The following LHFPL6 variants were observed in gnomAD, a reference collection of about 807,000 sequenced individuals.
The protein encoded by LHFPL6 is LHFPL tetraspan subfamily member 6 protein.
In LHFPL6, 9 loss-of-function variants were observed where a neutral mutation model predicts 20.6. The ratio of observed to expected loss-of-function variants is 0.44; its 90% confidence interval spans 0.26 to 0.76. The LOEUF (loss-of-function observed/expected upper bound fraction) is 0.76. Ranked by LOEUF, LHFPL6 falls within the 30% of genes least tolerant of loss-of-function variation. LHFPL6 has a pLI of 0.20. For missense variants in LHFPL6, 218 were observed against 253.5 expected (o/e 0.86, Z 0.95); for synonymous variants, 105 against 98.7 (o/e 1.06, Z -0.38).
At chr13:39,372,918 AG>A (rs1870197630) in intron 3 of LHFPL6, among the ~76,000 whole-genome samples, 1 of 152,172 alleles carries the variant, frequency 6.6e-6, no homozygotes, top group African/African-American at 2.4e-5. Context: ...CAAACAGGGA[AG>A]CAGTACATAA....
At chr13:39,546,158 T>C (rs897097561) in intron 2 of LHFPL6, among the ~76,000 whole-genome samples, 1 of 152,054 alleles carries the variant, frequency 6.6e-6, no homozygotes, top group African/African-American at 2.4e-5. Context: ...TAATAGCTAT[T>C]AGACTATGAA....
In LHFPL6 at chr13:39,343,763, TCTC is replaced by T. The variant is rs1213407949; in HGVS notation, c.*170_*172del. The T allele has an allele frequency of 8.7e-6, 5 of 576,490 alleles. No individual in the cohort carries two copies. The highest frequency in any genetic ancestry group is 2.7e-5 in the South Asian group (1 of 36,708). The allele number at this position is 576,490 out of a possible 1,614,324, so 35.7% of individuals were successfully genotyped here. On this transcript the variant is annotated 3_prime_UTR_variant, in exon 4 of 4. Transcript: ENST00000379589. Reference sequence around the variant, plus strand: ...ACTCTCCTTTTTTTTCCCCCACAAATCTCCTACAATCCTTCCTTCCTATATCAT... The same window carrying T: ...ACTCTCCTTTTTTTTCCCCCACAAATCTACAATCCTTCCTTCCTATATCAT...
chr13:39,355,962 G>A (rs1043649030), intron 3 of LHFPL6, among the ~76,000 whole-genome samples: 2 of 152,172 alleles, frequency 1.3e-5, no homozygotes, highest in East Asian at 3.8e-4. Context: ...CCCACTGACA[G>A]TGTTAGGCAG....
At chr13:39,481,315 C>G (rs905811845) in intron 2 of LHFPL6, among the ~76,000 whole-genome samples, 11 of 152,164 alleles carry the variant, frequency 7.2e-5, no homozygotes, top group Admixed American at 1.3e-4. Context: ...ATACGAAGCA[C>G]CTATATTCCC....
chr13:39,400,964 A>G (rs1870975981), intron 2 of LHFPL6, among the ~76,000 whole-genome samples: 1 of 152,176 alleles, frequency 6.6e-6, no homozygotes, highest in South Asian at 2.1e-4. Flanking sequence ...AGAAATAAAC[A>G]AAGAAGTATT....
intron 2 of LHFPL6, among the ~76,000 whole-genome samples, chr13:39,484,721 T>G (rs1214823128): frequency 6.6e-6 from 1 of 152,218 alleles, no homozygotes; most frequent in African/African-American, 2.4e-5. Context: ...TCATCTACAT[T>G]TGTAATAAAC....
chr13:39,462,894 T>C (rs1872719512), intron 2 of LHFPL6, among the ~76,000 whole-genome samples: 1 of 152,160 alleles, frequency 6.6e-6, no homozygotes, highest in Non-Finnish European at 1.5e-5. Context: ...GGTGCTGGCA[T>C]GGTTAACTTC....
intron 2 of LHFPL6, among the ~76,000 whole-genome samples, chr13:39,457,863 C>T (rs1387141565): frequency 6.6e-6 from 1 of 152,098 alleles, no homozygotes; most frequent in Non-Finnish European, 1.5e-5. Flanking sequence ...TTATCCACTG[C>T]CTGTTCATAT....
intron 2 of LHFPL6, among the ~76,000 whole-genome samples, chr13:39,513,672 A>G (rs1202033745): frequency 1.3e-5 from 2 of 152,230 alleles, no homozygotes; most frequent in East Asian, 1.9e-4. Flanking sequence ...ATTCCTCACA[A>G]TAAGTCTATA....
At chr13:39,436,149 C>A (rs1274727983) in intron 2 of LHFPL6, among the ~76,000 whole-genome samples, 4 of 151,908 alleles carry the variant, frequency 2.6e-5, no homozygotes, top group Non-Finnish European at 1.5e-5. Flanking sequence ...AGAAAGGGGT[C>A]CTGAGGCCAA....
At chr13:39,403,293 AT>A (rs1287765177) in intron 2 of LHFPL6, among the ~76,000 whole-genome samples, 3 of 152,200 alleles carry the variant, frequency 2.0e-5, no homozygotes, top group Non-Finnish European at 2.9e-5. Context: ...CTTGCTCTCT[AT>A]AGGCTCTTGT....
At chr13:39,507,957 CCTTT>C (rs918966997) in intron 2 of LHFPL6, among the ~76,000 whole-genome samples, 1 of 137,868 alleles carries the variant, frequency 7.3e-6, no homozygotes, top group African/African-American at 2.6e-5. Context: ...TCCTTCCTTC[CCTTT>C]TTTTCTCCCC....
intron 2 of LHFPL6, among the ~76,000 whole-genome samples, chr13:39,466,661 T>C (rs1277301202): frequency 6.6e-6 from 1 of 152,236 alleles, no homozygotes; most frequent in Admixed American, 6.5e-5. Context: ...TCTCATTTTA[T>C]AGCATTTACA....
chr13:39,600,194 T>A (rs1872890687), intron 2 of LHFPL6, among the ~76,000 whole-genome samples: 1 of 152,218 alleles, frequency 6.6e-6, no homozygotes, highest in South Asian at 2.1e-4. Flanking sequence ...TTGCTAAATA[T>A]CCCTTTTCTT....
At chr13:39,526,417 A>G (rs1870288999) in intron 2 of LHFPL6, among the ~76,000 whole-genome samples, 1 of 152,246 alleles carries the variant, frequency 6.6e-6, no homozygotes, top group African/African-American at 2.4e-5. Flanking sequence ...ACTAAAAATG[A>G]CACAAATACC....
At chr13:39,553,103 T>C (rs1266346556) in intron 2 of LHFPL6, among the ~76,000 whole-genome samples, 3 of 152,138 alleles carry the variant, frequency 2.0e-5, no homozygotes, top group South Asian at 4.1e-4. Flanking sequence ...TCCCACAAAA[T>C]GAGAAAATTG....
intron 2 of LHFPL6, among the ~76,000 whole-genome samples, chr13:39,572,377 T>TA (rs1871951180): frequency 6.7e-6 from 1 of 150,046 alleles, no homozygotes; most frequent in Non-Finnish European, 1.5e-5. Flanking sequence ...CAGAAACATA[T>TA]ACACGTACAC....
At chr13:39,546,580 C>T (rs889456704) in intron 2 of LHFPL6, among the ~76,000 whole-genome samples, 2 of 152,098 alleles carry the variant, frequency 1.3e-5, no homozygotes, top group Non-Finnish European at 2.9e-5. Context: ...TACAACCCTC[C>T]AGCTGGGTTT....
intron 2 of LHFPL6, among the ~76,000 whole-genome samples, chr13:39,516,317 C>G (rs1261448438): frequency 6.6e-6 from 1 of 152,214 alleles, no homozygotes; most frequent in Non-Finnish European, 1.5e-5. Flanking sequence ...TCTACCATGC[C>G]AGCTTCAAAT....
Sources: gnomAD v4.1 joint callset for allele counts (sites outside exome capture counted in the v4.1 genomes callset) on GRCh38, gnomAD v4.1.1 for gene constraint, MANE v1.5 for transcripts, NCBI Gene and HGNC (gene_info 2026-07-23, HGNC 2026-07-21) for gene names.